PPP6R3: variants seen among roughly 807,000 people sequenced by gnomAD.
PPP6R3 encodes the protein protein phosphatase 6 regulatory subunit 3, also known as serine/threonine-protein phosphatase 6 regulatory subunit 3.
PPP6R3 carries 38 observed loss-of-function variants against 110.7 expected under a neutral mutation model. That is an observed-to-expected ratio of 0.34 (90% CI 0.26 to 0.45). The LOEUF is 0.45. PPP6R3 is among the 20% of genes least tolerant of loss of function. The pLI is 1.00. For synonymous variants in PPP6R3, 369 were observed against 373.5 expected, an observed-to-expected ratio of 0.99 and a Z score of 0.14; for missense variants, 870 against 1,062.4, an observed-to-expected ratio of 0.82 and a Z score of 2.52.
At chr11:68,582,301 CTTAA>C (rs1483156427) in intron 14 of PPP6R3, among the ~76,000 whole-genome samples, 2 of 152,208 alleles carry the variant, frequency 1.3e-5, no homozygotes, top group Admixed American at 6.5e-5. Context: ...TAGTGCTGTA[CTTAA>C]TTATTTGTTT....
At chr11:68,465,023 A>G (rs2098735857) in intron 1 of PPP6R3, among the ~76,000 whole-genome samples, 1 of 151,910 alleles carries the variant, frequency 6.6e-6, no homozygotes, top group African/African-American at 2.4e-5. Context: ...CTAGGATTAC[A>G]GGTGCGTGCC....
In PPP6R3 at chr11:68,583,147, C is replaced by T. The variant is rs2153826130; in HGVS notation, c.1632+18C>T. 2 of 1,494,122 alleles carry T rather than the reference C, an allele frequency of 1.3e-6. No homozygotes were observed. The highest frequency in any genetic ancestry group is 1.8e-6 in the Non-Finnish European group (2 of 1,110,954). The allele number at this position is 1,494,122 out of a possible 1,614,324, so 92.6% of individuals were successfully genotyped here. The stretch of plus-strand genomic sequence containing the variant: ...TGCAGCAAGTGAGTCACGCCTAAAG[C>T]TTTGCTTTTTGTTTTTATTTTAAAT... On this transcript the variant is annotated intron_variant, in intron 15 of 23. Transcript: ENST00000393800.
intron 1 of PPP6R3, among the ~76,000 whole-genome samples, chr11:68,477,313 C>T (rs114753775): frequency 2.6e-5 from 4 of 152,100 alleles, no homozygotes; most frequent in East Asian, 1.9e-4. Context: ...AGGATTTTTC[C>T]ACTTTATGAT....
intron 9 of PPP6R3, among the ~76,000 whole-genome samples, chr11:68,565,049 A>G (rs978531549): frequency 4.0e-5 from 6 of 151,548 alleles, no homozygotes; most frequent in African/African-American, 1.5e-4. Flanking sequence ...TGGAAGATTC[A>G]GTTCCATGTG....
chr11:68,559,728 T>C (rs1233624830), intron 8 of PPP6R3, among the ~76,000 whole-genome samples: 3 of 152,098 alleles, frequency 2.0e-5, no homozygotes, highest in African/African-American at 7.2e-5. Flanking sequence ...TCTAGGAAAA[T>C]CAGTACCATC....
At chr11:68,513,092 G>T (rs574877525) in intron 1 of PPP6R3, among the ~76,000 whole-genome samples, 1 of 152,116 alleles carries the variant, frequency 6.6e-6, no homozygotes, top group African/African-American at 2.4e-5. Context: ...GGCTTTTGTG[G>T]ACTGAGTTAG....
intron 10 of PPP6R3, among the ~76,000 whole-genome samples, chr11:68,568,521 T>C (rs2099488457): frequency 6.6e-6 from 1 of 152,172 alleles, no homozygotes; most frequent in Non-Finnish European, 1.5e-5. Context: ...TTCTTTCCCT[T>C]TTGTAATGCT....
chr11:68,586,910 C>T (rs959418767), intron 15 of PPP6R3: 3 of 152,072 alleles, frequency 2.0e-5, no homozygotes, highest in African/African-American at 7.2e-5. Flanking sequence ...CAGCAAATGC[C>T]AGTGGGAGTG....
At chr11:68,507,966 G>C (rs868020512) in intron 1 of PPP6R3, among the ~76,000 whole-genome samples, 6 of 151,968 alleles carry the variant, frequency 3.9e-5, no homozygotes, top group South Asian at 4.2e-4. Context: ...AGCACTTTGG[G>C]AGGCTGAGGT....
At chr11:68,566,363 C>T (rs1254239962) in intron 9 of PPP6R3, among the ~76,000 whole-genome samples, 1 of 151,618 alleles carries the variant, frequency 6.6e-6, no homozygotes, top group Non-Finnish European at 1.5e-5. Flanking sequence ...CTTCCTTCTT[C>T]CTTTTTTTGT....
chr11:68,595,997 C>T, intron 18 of PPP6R3, 100 bp from the exon 19 acceptor site: 1 of 1,437,332 alleles, frequency 7.0e-7, no homozygotes, highest in Non-Finnish European at 9.6e-7. Flanking sequence ...CCTGCTGAAG[C>T]ACCACAGGAC....
At chr11:68,612,714 G>A (rs1470403414) in intron 23 of PPP6R3, among the ~76,000 whole-genome samples, 1 of 151,970 alleles carries the variant, frequency 6.6e-6, no homozygotes, top group Non-Finnish European at 1.5e-5. Flanking sequence ...TTTCTTGAAG[G>A]AGCGGTGAAC....
chr11:68,495,560 C>T (rs147590611), intron 1 of PPP6R3, among the ~76,000 whole-genome samples: 275 of 152,314 alleles, frequency 1.8e-3, no homozygotes, highest in African/African-American at 5.6e-3. Flanking sequence ...TGTGCCTATT[C>T]TGGGCATATA....
chr11:68,486,751 G>A (rs1009042216), intron 1 of PPP6R3, among the ~76,000 whole-genome samples: 1 of 151,956 alleles, frequency 6.6e-6, no homozygotes, highest in South Asian at 2.1e-4. Flanking sequence ...ATTTTAGAAG[G>A]TTATTATTCA....
chr11:68,483,992 G>C (rs11228256), intron 1 of PPP6R3, among the ~76,000 whole-genome samples: 1 of 151,946 alleles, frequency 6.6e-6, no homozygotes, highest in African/African-American at 2.4e-5. Flanking sequence ...TTTCATATTG[G>C]CTTCTTTCAC....
chr11:68,566,237 G>GGCT (rs59680768), intron 9 of PPP6R3, among the ~76,000 whole-genome samples: 2,242 of 151,264 alleles, frequency 0.015, 61 homozygotes, highest in African/African-American at 0.049. Flanking sequence ...CCACCACCAC[G>GGCT]GCTGCTGCTG....
At chr11:68,514,863 G>A (rs1385799751) in intron 1 of PPP6R3, among the ~76,000 whole-genome samples, 1 of 152,230 alleles carries the variant, frequency 6.6e-6, no homozygotes, top group Non-Finnish European at 1.5e-5. Context: ...GGGATTACAG[G>A]AGTGAGCCAC....
At chr11:68,563,552 C>T (rs1354808744) in intron 8 of PPP6R3, among the ~76,000 whole-genome samples, 1 of 152,120 alleles carries the variant, frequency 6.6e-6, no homozygotes, top group African/African-American at 2.4e-5. Flanking sequence ...AGAATGTGGA[C>T]GTATGTTTTG....
At chr11:68,502,026 A>G (rs1014507259) in intron 1 of PPP6R3, among the ~76,000 whole-genome samples, 1 of 152,228 alleles carries the variant, frequency 6.6e-6, no homozygotes, top group African/African-American at 2.4e-5. Context: ...CGCAGTTTGA[A>G]AAAACGTGTT....
Sources: allele counts gnomAD v4.1 joint callset (sites outside exome capture counted in the v4.1 genomes callset), GRCh38; gene constraint gnomAD v4.1.1; transcripts MANE v1.5; gene names NCBI Gene and HGNC (gene_info 2026-07-23, HGNC 2026-07-21).